The following MRTFB variants were observed in gnomAD, a reference collection of about 807,000 sequenced individuals.
MRTFB encodes the protein myocardin-related transcription factor B.
A neutral mutation model predicts 104.2 loss-of-function variants in MRTFB; 29 were observed. The ratio of observed to expected loss-of-function variants is 0.28; its 90% CI spans 0.21 to 0.38. MRTFB has a LOEUF of 0.38. Ranked by LOEUF, MRTFB falls within the 10% of genes least tolerant of loss-of-function variation. The pLI is 1.00. For missense variants in MRTFB, 1,270 were observed against 1,341.6 expected (o/e 0.95, Z 0.83); for synonymous variants, 535 against 519.5 (o/e 1.03, Z -0.41).
chr16:14,109,665 A>G (rs781016659), intron 2 of MRTFB, among the ~76,000 whole-genome samples: 29 of 152,190 alleles, frequency 1.9e-4, no homozygotes, highest in Non-Finnish European at 3.2e-4. Context: ...TTTATTTAGT[A>G]TAAGTAATTG....
the MRTFB span, among the ~76,000 whole-genome samples, chr16:14,025,118 T>C: frequency 1.3e-5 from 2 of 152,344 alleles, no homozygotes; most frequent in East Asian, 3.9e-4. Context: ...AAAGGGTACT[T>C]GATCACAAAA....
At chr16:14,146,204 A>G (rs990920969) in intron 3 of MRTFB, among the ~76,000 whole-genome samples, 5 of 152,242 alleles carry the variant, frequency 3.3e-5, no homozygotes, top group Admixed American at 6.5e-5. Flanking sequence ...CAGAAATAGC[A>G]CAGGCCAGCT....
chr16:14,140,362 T>C (rs1184351304), intron 2 of MRTFB, among the ~76,000 whole-genome samples, 182 bp from the exon 3 acceptor site: 3 of 152,164 alleles, frequency 2.0e-5, no homozygotes. Context: ...TTGCTTGTTT[T>C]TAGGTGGGAA....
At position 14,122,997 on chromosome 16, in the gene MRTFB, A is replaced by G. The variant is rs556621106; in HGVS notation, c.-63-17547A>G. ...TGATCACCATTCTTACTGGCGTGAG[A>G]TGGTATCTCATTGTAGTTTTGATTT... On this transcript the variant is annotated intron_variant, in intron 2 of 16. Coordinates refer to ENST00000571589, the MANE Select transcript of MRTFB (RefSeq NM_001308142.2). Among the ~76,000 whole-genome samples the G allele has an allele frequency of 3.9e-5, 6 of 152,330 alleles. No homozygotes were observed. The South Asian group carries it at 1.0e-3, about 26-fold the overall frequency.
Position 14,264,072 on chromosome 16 carries a change from A to G in MRTFB, c.*2628A>G, listed in dbSNP as rs1367950987. 1.3e-5 allele frequency: 2 copies of G among 152,240 alleles called. No homozygotes were observed. Among genetic ancestry groups the G allele is most frequent in the Non-Finnish European group, 2.9e-5 (2 of 68,042 alleles). The allele number at this position is 152,240 out of a possible 1,614,324, so 9.4% of individuals were successfully genotyped here. ...CAATGAGGAAGGGTGGATATTGACT[A>G]AAGACTGGTTGTTGTTGTTGTTTAG... On this transcript the variant is annotated 3_prime_UTR_variant, in exon 17 of 17. Transcript: ENST00000571589.
At chr16:14,224,410 G>T (rs2041904336) in intron 8 of MRTFB, among the ~76,000 whole-genome samples, 1 of 152,154 alleles carries the variant, frequency 6.6e-6, no homozygotes, top group East Asian at 1.9e-4. Context: ...AGTGTAAATG[G>T]TTTTTTAAAA....
chr16:14,218,963 T>C lies in MRTFB; in HGVS notation c.658T>C (p.Ser220Pro). The stretch of plus-strand genomic sequence containing the variant: ...CCCAAGTGAGCCAAAAGTTAGTGAA[T>C]CGCCATCTCCTGTGACTACAAACAC... The part of the protein sequence containing the change: ...ASPSEPKVSE[S>P]PSPVTTNTPA... The change falls in exon 8 of 17, where the codon TCG (serine) becomes CCG (proline). Residue 220 changes from serine (S) to proline (P), a missense_variant. Physicochemically the swap from Ser to Pro is moderately conservative, Grantham distance 74 (BLOSUM62 -1). Transcript: ENST00000571589. 6.2e-7 allele frequency: 1 copy of C among 1,614,040 alleles called. No individual in the cohort carries two copies. The highest frequency in any genetic ancestry group is 8.5e-7 in the Non-Finnish European group (1 of 1,179,974).
chr16:14,134,756 A>G (rs2037622892), intron 2 of MRTFB, among the ~76,000 whole-genome samples: 1 of 152,180 alleles, frequency 6.6e-6, no homozygotes, highest in Non-Finnish European at 1.5e-5. Flanking sequence ...TCTTTGCTCC[A>G]ATTTATGTGC....
chr16:14,208,082 A>G (rs916015736), intron 3 of MRTFB, among the ~76,000 whole-genome samples: 1 of 152,226 alleles, frequency 6.6e-6, no homozygotes, highest in Non-Finnish European at 1.5e-5. Context: ...AGTGTTGGAA[A>G]TAGAAACAGA....
chr16:14,168,127 T>TC, intron 3 of MRTFB, among the ~76,000 whole-genome samples: 1 of 152,306 alleles, frequency 6.6e-6, no homozygotes, highest in East Asian at 1.9e-4. Context: ...ATCAGGTTTG[T>TC]CCAAGATCAG....
the MRTFB span, among the ~76,000 whole-genome samples, chr16:14,008,154 C>T: frequency 4.6e-5 from 7 of 152,148 alleles, no homozygotes; most frequent in Non-Finnish European, 8.8e-5. Context: ...TCACTTGAGC[C>T]TAGGATTTCA....
the MRTFB span, among the ~76,000 whole-genome samples, chr16:14,025,580 C>T: frequency 2.0e-5 from 3 of 152,196 alleles, no homozygotes; most frequent in Non-Finnish European, 4.4e-5. Flanking sequence ...CCTAGGTCAT[C>T]GTGCTCCTGG....
chr16:14,081,746 AATTTTTTGT>A (rs1278726960), intron 2 of MRTFB, among the ~76,000 whole-genome samples: 1 of 151,246 alleles, frequency 6.6e-6, no homozygotes, highest in Non-Finnish European at 1.5e-5. Flanking sequence ...CACTCTGCCA[AATTTTTTGT>A]ATTTTTTGTG....
chr16:14,076,078 A>G (rs1270388300), intron 1 of MRTFB, among the ~76,000 whole-genome samples: 2 of 151,970 alleles, frequency 1.3e-5, no homozygotes, highest in African/African-American at 4.8e-5. Flanking sequence ...TATACTATAT[A>G]TACTCTTTTT....
chr16:14,212,579 G>A (rs943776799), intron 5 of MRTFB, among the ~76,000 whole-genome samples, 170 bp downstream of exon 5: 1 of 152,212 alleles, frequency 6.6e-6, no homozygotes, highest in Non-Finnish European at 1.5e-5. Context: ...GTTTGATCTG[G>A]AGGTTTGCAG....
intron 8 of MRTFB, among the ~76,000 whole-genome samples, chr16:14,223,410 C>T (rs547480802): frequency 1.8e-4 from 27 of 152,010 alleles, no homozygotes; most frequent in African/African-American, 6.5e-4. Flanking sequence ...CCCTACTGGA[C>T]AAAGACTTTA....
chr16:14,222,067 G>A (rs1164648411), intron 8 of MRTFB, among the ~76,000 whole-genome samples: 4 of 151,974 alleles, frequency 2.6e-5, no homozygotes, highest in Admixed American at 6.6e-5. Flanking sequence ...GGAATGAGCC[G>A]CCGCACCTGG....
intron 13 of MRTFB, among the ~76,000 whole-genome samples, chr16:14,250,460 A>G (rs564120104): frequency 6.6e-6 from 1 of 152,368 alleles, no homozygotes; most frequent in East Asian, 1.9e-4. Flanking sequence ...GGAGTTCCAC[A>G]GCAAGAAGTT....
chr16:14,231,040 A>T (rs1328676149), intron 8 of MRTFB, among the ~76,000 whole-genome samples: 2 of 151,404 alleles, frequency 1.3e-5, no homozygotes, highest in African/African-American at 4.9e-5. Context: ...AGAACAAAAA[A>T]CCAAACACCA....
Sources: gnomAD v4.1 joint callset for allele counts (sites outside exome capture counted in the v4.1 genomes callset) on GRCh38, gnomAD v4.1.1 for gene constraint, MANE v1.5 for transcripts, NCBI Gene and HGNC (gene_info 2026-07-23, HGNC 2026-07-21) for gene names.